VPS53: variants seen among roughly 807,000 people sequenced by gnomAD.
VPS53 encodes the protein VPS53 subunit of GARP complex, also known as vacuolar protein sorting-associated protein 53 homolog.
VPS53 carries 70 observed loss-of-function variants against 107.0 expected under a neutral mutation model. That is an observed-to-expected ratio of 0.65 (90% CI 0.54 to 0.80). VPS53 has a LOEUF of 0.80. VPS53 is among the 30% of genes least tolerant of loss of function. VPS53 has a pLI of 0.00. For missense variants in VPS53, 917 were observed against 1,049.4 expected, an observed-to-expected ratio of 0.87 and a Z score of 1.74; for synonymous variants, 409 against 393.3, an observed-to-expected ratio of 1.04 and a Z score of -0.47.
intron 7 of VPS53, 52 bp from the exon 8 acceptor site, chr17:631,680 TA>T: frequency 6.5e-7 from 1 of 1,543,870 alleles, no homozygotes; most frequent in Non-Finnish European, 8.9e-7. Flanking sequence ...CTTATGTAAC[TA>T]CACACCGATC....
intron 7 of VPS53, among the ~76,000 whole-genome samples, chr17:651,898 A>T (rs1219897634): frequency 6.6e-6 from 1 of 151,980 alleles, no homozygotes; most frequent in Non-Finnish European, 1.5e-5. Context: ...TTTCCTTTCC[A>T]CTGGATCTGA....
chr17:672,348 G>A (rs942069292), intron 4 of VPS53, among the ~76,000 whole-genome samples: 2 of 152,064 alleles, frequency 1.3e-5, no homozygotes, highest in Non-Finnish European at 2.9e-5. Context: ...TTTTGCCTAA[G>A]CCCGTTTGAA....
rs1907919068 is a variant in VPS53, at chr17:511,101, A to G, written c.*8027T>C. On this transcript the variant is annotated 3_prime_UTR_variant, in exon 22 of 22. Coordinates refer to ENST00000437048, the MANE Select transcript of VPS53 (RefSeq NM_001128159.3). Reference sequence around the variant, plus strand: ...AGATGTTTTCTTTATATAGCATTTGATATGTATTCCATTTGCCTTCTAAAG... The same window carrying G: ...AGATGTTTTCTTTATATAGCATTTGGTATGTATTCCATTTGCCTTCTAAAG... 6.6e-6 allele frequency: 1 copy of G among 152,138 alleles called. No individual in the cohort carries two copies. The highest frequency in any genetic ancestry group is 2.1e-4 in the South Asian group (1 of 4,832). 9.4% of individuals were successfully genotyped at this position (152,138 alleles called of 1,614,324 possible). A position where few individuals can be genotyped will look rare whatever the true frequency, so the allele number is the denominator to read the frequency against.
chr17:574,507 G>A (rs1002235455), intron 13 of VPS53, among the ~76,000 whole-genome samples: 1 of 152,168 alleles, frequency 6.6e-6, no homozygotes, highest in South Asian at 2.1e-4. Context: ...GCTCATGCCT[G>A]TAATCCCAGC....
intron 17 of VPS53, among the ~76,000 whole-genome samples, chr17:548,245 C>T (rs1301070255): frequency 6.6e-6 from 1 of 152,220 alleles, no homozygotes; most frequent in Non-Finnish European, 1.5e-5. Context: ...GGATGCCTTC[C>T]ATGAGAATGA....
chr17:694,635 A>C (rs919058632), intron 4 of VPS53, among the ~76,000 whole-genome samples: 2 of 152,218 alleles, frequency 1.3e-5, no homozygotes, highest in Non-Finnish European at 1.5e-5. Context: ...GCAAGTTCTA[A>C]ATCACTTTTA....
chr17:653,522 G>A (rs549574093), intron 6 of VPS53, 112 bp from the exon 7 acceptor site: 11 of 1,503,590 alleles, frequency 7.3e-6, no homozygotes, highest in African/African-American at 5.5e-5. Context: ...CTGAATCAAC[G>A]TTCGCTGAGC....
intron 17 of VPS53, among the ~76,000 whole-genome samples, chr17:541,310 A>G (rs1249098796): frequency 2.0e-5 from 3 of 152,224 alleles, no homozygotes; most frequent in African/African-American, 7.2e-5. Flanking sequence ...AGATGAAGGA[A>G]TGTTTATCAA....
chr17:614,835 C>T (rs1969063777), intron 11 of VPS53, among the ~76,000 whole-genome samples: 1 of 152,084 alleles, frequency 6.6e-6, no homozygotes, highest in South Asian at 2.1e-4. Flanking sequence ...AGTAAAGGCC[C>T]CTATAAGCCA....
intron 20 of VPS53, 117 bp downstream of exon 20, chr17:521,484 A>G: frequency 8.3e-7 from 1 of 1,207,528 alleles, no homozygotes; most frequent in Non-Finnish European, 1.1e-6. Flanking sequence ...CAGCCCAAGA[A>G]TGTGGACCAT....
chr17:656,328 A>G (rs967546763), intron 5 of VPS53, among the ~76,000 whole-genome samples: 4 of 152,224 alleles, frequency 2.6e-5, no homozygotes, highest in Admixed American at 1.3e-4. Flanking sequence ...CCGCTGGGCC[A>G]TATAAAACAC....
At chr17:574,717 A>C (rs987057186) in intron 13 of VPS53, among the ~76,000 whole-genome samples, 1 of 152,186 alleles carries the variant, frequency 6.6e-6, no homozygotes, top group Admixed American at 6.5e-5. Context: ...GTGAGTCCTG[A>C]TCACGCCTCT....
chr17:664,077 A>G (rs540261766), intron 4 of VPS53, among the ~76,000 whole-genome samples: 36 of 151,980 alleles, frequency 2.4e-4, no homozygotes, highest in African/African-American at 8.7e-4. Flanking sequence ...GATTTGGAGT[A>G]AGATGATTTT....
At chr17:608,276 C>A (rs1469145355) in intron 11 of VPS53, among the ~76,000 whole-genome samples, 1 of 152,138 alleles carries the variant, frequency 6.6e-6, no homozygotes, top group African/African-American at 2.4e-5. Flanking sequence ...AAGTGCCTTC[C>A]CGATCCAATT....
At position 627,174 on chromosome 17, in the gene VPS53, C is replaced by T. The variant is rs1156777051; in HGVS notation, c.974G>A (p.Arg325Lys). Residue 325 changes from arginine (R) to lysine (K), a missense_variant and splice_region_variant, in exon 10 of 22, where the codon AGG (arginine) becomes AAG (lysine). Physicochemically the swap from Arg to Lys is conservative, Grantham distance 26. Coordinates refer to ENST00000437048, the MANE Select transcript of VPS53 (RefSeq NM_001128159.3). ...GAACCAGTAGAGAACTGGCATCTACCTTGTCACATGGCAAAATTCCACCGC... is the reference window on the plus strand; with the variant it reads ...GAACCAGTAGAGAACTGGCATCTACTTTGTCACATGGCAAAATTCCACCGC... Reference protein sequence around the residue: ...RIAVEFCHVTRAELAKIMRTR... With the variant: ...RIAVEFCHVTKAELAKIMRTR... 2 of 1,612,050 alleles carry T rather than the reference C, an allele frequency of 1.2e-6. No individual in the cohort carries two copies. Among genetic ancestry groups the T allele is most frequent in the Non-Finnish European group, 1.7e-6 (2 of 1,179,378 alleles).
intron 15 of VPS53, among the ~76,000 whole-genome samples, chr17:557,366 C>T (rs1038695196): frequency 1.3e-5 from 2 of 152,154 alleles, no homozygotes; most frequent in Non-Finnish European, 2.9e-5. Context: ...ATCCTAAATC[C>T]AGGACCATCT....
chr17:545,681 C>A (rs1004812846), intron 17 of VPS53, among the ~76,000 whole-genome samples: 3 of 152,220 alleles, frequency 2.0e-5, no homozygotes, highest in African/African-American at 7.2e-5. Context: ...TCAGGGAATA[C>A]TACAGTTAAG....
chr17:560,439 G>T lies in VPS53; in HGVS notation c.1691C>A (p.Ala564Asp), dbSNP rs1466261705. Reference protein sequence around the residue: ...NILSTAEYCLATTQQLEEKLK... With the variant: ...NILSTAEYCLDTTQQLEEKLK... ...AGGATGGCTCACCTGCTGGGTGGTG[G>T]CCAGACAGTACTCTGCCGTGCTCAG... Residue 564 changes from alanine (A) to aspartate (D), a missense_variant, in exon 15 of 22, where the codon GCC becomes GAC. By Grantham distance (126) the Ala-to-Asp change is moderately radical (BLOSUM62 -2). Coordinates refer to ENST00000437048, the MANE Select transcript of VPS53 (RefSeq NM_001128159.3). The T allele has an allele frequency of 6.2e-7, 1 of 1,611,306 alleles. No homozygotes were observed. Among genetic ancestry groups the T allele is most frequent in the Non-Finnish European group, 8.5e-7 (1 of 1,179,362 alleles).
chr17:688,362 A>G (rs1972664240), intron 4 of VPS53, among the ~76,000 whole-genome samples: 1 of 152,130 alleles, frequency 6.6e-6, no homozygotes, highest in African/African-American at 2.4e-5. Flanking sequence ...TTCCCTTTCC[A>G]CCATGATTGT....
Sources: gnomAD v4.1 joint callset for allele counts (sites outside exome capture counted in the v4.1 genomes callset) on GRCh38, gnomAD v4.1.1 for gene constraint, MANE v1.5 for transcripts, NCBI Gene and HGNC (gene_info 2026-07-23, HGNC 2026-07-21) for gene names.